GNPAT: variants seen among roughly 807,000 people sequenced by gnomAD.
GNPAT encodes the protein dihydroxyacetone phosphate acyltransferase.
In GNPAT, 30 loss-of-function variants were observed where a neutral mutation model predicts 78.4. The ratio of observed to expected loss-of-function variants is 0.38; its 90% CI spans 0.29 to 0.52. The LOEUF (loss-of-function observed/expected upper bound fraction) is 0.52. GNPAT is among the 20% of genes least tolerant of loss of function. The pLI is 0.84. For synonymous variants in GNPAT, 271 were observed against 281.1 expected, an observed-to-expected ratio of 0.96 and a Z score of 0.36; for missense variants, 714 against 812.2, an observed-to-expected ratio of 0.88 and a Z score of 1.47.
At chr1:231,248,181 G>C (rs1387762029) in intron 1 of GNPAT, among the ~76,000 whole-genome samples, 1 of 152,128 alleles carries the variant, frequency 6.6e-6, no homozygotes, top group East Asian at 1.9e-4. Context: ...TGTTGACCTA[G>C]CTGATAACAT....
chr1:231,266,445 G>A, intron 8 of GNPAT, 38 bp downstream of exon 8: 1 of 1,586,876 alleles, frequency 6.3e-7, no homozygotes, highest in Non-Finnish European at 8.7e-7. Flanking sequence ...TAGAAATGAG[G>A]ATTAAAATCC....
At chr1:231,256,477 C>CTCT (rs1685064985) in intron 2 of GNPAT, among the ~76,000 whole-genome samples, 1 of 90,772 alleles carries the variant, frequency 1.1e-5, no homozygotes, top group Non-Finnish European at 2.2e-5. Flanking sequence ...TGCTAATTTT[C>CTCT]TCTTTTTTTT....
At chr1:231,246,952 G>C (rs888088124) in intron 1 of GNPAT, among the ~76,000 whole-genome samples, 3 of 152,108 alleles carry the variant, frequency 2.0e-5, no homozygotes, top group Non-Finnish European at 4.4e-5. Context: ...GGTGGATCAC[G>C]AGGTCAGGAG....
At chr1:231,255,716 T>A (rs1685036540) in intron 2 of GNPAT, among the ~76,000 whole-genome samples, 1 of 152,172 alleles carries the variant, frequency 6.6e-6, no homozygotes, top group Non-Finnish European at 1.5e-5. Context: ...ATTACAGGTG[T>A]GAGCCACTGT....
chr1:231,273,504 G>A (rs1004026105), intron 11 of GNPAT, among the ~76,000 whole-genome samples: 1 of 152,130 alleles, frequency 6.6e-6, no homozygotes, highest in Non-Finnish European at 1.5e-5. Flanking sequence ...GCCCGCCTCA[G>A]CCTCTCAAAG....
intron 1 of GNPAT, among the ~76,000 whole-genome samples, chr1:231,243,069 G>A (rs1684656792): frequency 6.6e-6 from 1 of 152,218 alleles, no homozygotes; most frequent in East Asian, 1.9e-4. Flanking sequence ...CAAACATTAG[G>A]AATATATACA....
intron 11 of GNPAT, 58 bp downstream of exon 11, chr1:231,272,449 G>T: frequency 1.1e-6 from 1 of 927,436 alleles, no homozygotes; most frequent in South Asian, 1.3e-5. Flanking sequence ...AGAAATGTTA[G>T]GGGTGAATTC....
intron 1 of GNPAT, among the ~76,000 whole-genome samples, chr1:231,246,723 T>C (rs1684759596): frequency 6.6e-6 from 1 of 152,200 alleles, no homozygotes; most frequent in South Asian, 2.1e-4. Flanking sequence ...TAGCTGCACA[T>C]AGGAATCACT....
chr1:231,271,070 A>C (rs1685551744), intron 10 of GNPAT, 70 bp downstream of exon 10: 1 of 1,529,614 alleles, frequency 6.5e-7, no homozygotes, highest in Non-Finnish European at 9.1e-7. Flanking sequence ...AGGGAGCCAC[A>C]TTTGAAGCCT....
rs151314464 is a variant in GNPAT, at chr1:231,248,191, T to C, written c.79-2770T>C. On this transcript the variant is annotated intron_variant, in intron 1 of 15. Coordinates refer to ENST00000366647, the MANE Select transcript of GNPAT (RefSeq NM_014236.4). ...CCTACTGTTGACCTAGCTGATAACA[T>C]AAGCAATTCATTAAGGCTTATTTTA... Among the ~76,000 whole-genome samples the C allele has an allele frequency of 6.9e-3, 1,044 of 152,344 alleles. 5 individuals are homozygous for C. Among genetic ancestry groups the C allele is most frequent in the Non-Finnish European group, 0.012 (803 of 68,036 alleles).
Position 231,266,338 on chromosome 1 carries a change from G to T in GNPAT, c.986G>T (p.Gly329Val). 1 of 1,614,008 alleles carries T rather than the reference G, an allele frequency of 6.2e-7. No individual in the cohort carries two copies. The highest frequency in any genetic ancestry group is 8.5e-7 in the Non-Finnish European group (1 of 1,179,876). ...ENFGSIHVYFGDPVSLRSLAA... is the reference protein window; with the variant it reads ...ENFGSIHVYFVDPVSLRSLAA... Reference sequence around the variant, plus strand: ...TTTGGAAGCATCCATGTGTACTTTGGAGATCCTGTGTCACTTCGATCTTTG... The same window carrying T: ...TTTGGAAGCATCCATGTGTACTTTGTAGATCCTGTGTCACTTCGATCTTTG... Residue 329 changes from glycine (G) to valine (V), a missense_variant, in exon 8 of 16, where the codon GGA (glycine) becomes GTA (valine). Gly to Val is a moderately radical substitution (Grantham distance 109, BLOSUM62 -3). Coordinates refer to ENST00000366647, the MANE Select transcript of GNPAT (RefSeq NM_014236.4).
At chr1:231,252,863 T>C (rs964883911) in intron 2 of GNPAT, among the ~76,000 whole-genome samples, 7 of 152,322 alleles carry the variant, frequency 4.6e-5, no homozygotes, top group African/African-American at 1.4e-4. Flanking sequence ...CCTCTTTATT[T>C]GTGTAGATTG....
Position 231,274,030 on chromosome 1 carries a change from G to A in GNPAT, c.1711G>A (p.Gly571Arg), listed in dbSNP as rs547410311. ...KGNTVLEFLV[G>R]LFKPFVESYQ... ...AAATACTGTGTTAGAATTTTTAGTA[G>A]GACTCTTTAAACCTTTTGTGGAAAG... Residue 571 changes from glycine (G) to arginine (R), a missense_variant, in exon 12 of 16, where the codon GGA (glycine) becomes AGA (arginine). By Grantham distance (125) the Gly-to-Arg change is moderately radical. Transcript: ENST00000366647. 6.2e-7 allele frequency: 1 copy of A among 1,613,446 alleles called. No individual in the cohort carries two copies. The highest frequency in any genetic ancestry group is 8.5e-7 in the Non-Finnish European group (1 of 1,179,412).
rs190670284 is a variant in GNPAT, at chr1:231,277,587, C to T, written c.*45C>T. The T allele has an allele frequency of 2.3e-4, 245 of 1,071,050 alleles. 2 individuals are homozygous for T. The African/African-American group carries it at 3.2e-3, about 14-fold the overall frequency. 66.3% of individuals were successfully genotyped at this position (1,071,050 alleles called of 1,614,324 possible). A position where few individuals can be genotyped will look rare whatever the true frequency, so the allele number is the denominator to read the frequency against. ...GAAAATTCGGTCACGTAATTACTCTCATCGAAGGACTCATTACAACAAACA... is the reference window on the plus strand; with the variant it reads ...GAAAATTCGGTCACGTAATTACTCTTATCGAAGGACTCATTACAACAAACA... On this transcript the variant is annotated 3_prime_UTR_variant, in exon 16 of 16. Transcript: ENST00000366647.
intron 15 of GNPAT, among the ~76,000 whole-genome samples, 166 bp downstream of exon 15, chr1:231,276,362 C>T (rs975588021): frequency 1.3e-5 from 2 of 152,132 alleles, no homozygotes; most frequent in Non-Finnish European, 2.9e-5. Context: ...AGGAAGCTAA[C>T]GAGAAAGCAC....
At chr1:231,245,918 G>A (rs78116087) in intron 1 of GNPAT, among the ~76,000 whole-genome samples, 3 of 151,880 alleles carry the variant, frequency 2.0e-5, no homozygotes, top group African/African-American at 4.8e-5. Flanking sequence ...GCAGTGAGCC[G>A]AGATTGCGCC....
intron 10 of GNPAT, 29 bp downstream of exon 10, chr1:231,271,029 T>A: frequency 6.2e-7 from 1 of 1,612,966 alleles, no homozygotes; most frequent in Non-Finnish European, 8.5e-7. Flanking sequence ...ATCTTGACTT[T>A]TAGAAGAGGT....
intron 1 of GNPAT, among the ~76,000 whole-genome samples, chr1:231,246,637 T>C (rs1684757655): frequency 6.6e-6 from 1 of 152,246 alleles, no homozygotes. Context: ...CATGTAAATT[T>C]ACTTACTTAA....
chr1:231,272,031 C>T (rs1228678551), intron 10 of GNPAT, among the ~76,000 whole-genome samples: 1 of 152,112 alleles, frequency 6.6e-6, no homozygotes. Flanking sequence ...CCCCAGGAGG[C>T]GGAGGTTGCA....
Sources: allele counts gnomAD v4.1 joint callset (sites outside exome capture counted in the v4.1 genomes callset), GRCh38; gene constraint gnomAD v4.1.1; transcripts MANE v1.5; gene names NCBI Gene and HGNC (gene_info 2026-07-23, HGNC 2026-07-21).